Variants in UNC80 observed in about 807,000 individuals in gnomAD.
The protein encoded by UNC80 is unc-80 subunit of NALCN channel complex.
A neutral mutation model predicts 384.6 loss-of-function variants in UNC80; 164 were observed. That is an observed-to-expected ratio of 0.43 (90% confidence interval 0.38 to 0.49). UNC80 has a LOEUF of 0.49. Among genes scored for constraint, UNC80 ranks in the 20% least tolerant of loss-of-function variants. The pLI is 0.00. For synonymous variants in UNC80, 1,486 were observed against 1,527.8 expected, an observed-to-expected ratio of 0.97 and a Z score of 0.64; for missense variants, 3,330 against 4,143.0, an observed-to-expected ratio of 0.80 and a Z score of 5.39.
chr2:209,906,824 T>G (rs1245696725), intron 29 of UNC80, among the ~76,000 whole-genome samples: 1 of 152,212 alleles, frequency 6.6e-6, no homozygotes, highest in East Asian at 1.9e-4. Context: ...GAAAATCTAT[T>G]TTTATTTATG....
At chr2:209,829,756 A>G (rs750838456) in intron 15 of UNC80, among the ~76,000 whole-genome samples, 8 of 152,218 alleles carry the variant, frequency 5.3e-5, no homozygotes, top group Admixed American at 6.5e-5. Flanking sequence ...ATGAGTATCT[A>G]TAACGTACAG....
In UNC80 at chr2:209,848,525, A is replaced by C. The variant is rs528651210; in HGVS notation, c.3455-926A>C. Among the ~76,000 whole-genome samples the C allele has an allele frequency of 1.1e-4, 16 of 152,266 alleles. No homozygotes were observed. In the South Asian group the frequency reaches 3.3e-3, roughly 32 times the overall value. On this transcript the variant is annotated intron_variant, in intron 21 of 64. Coordinates refer to ENST00000673920, the MANE Select transcript of UNC80 (RefSeq NM_001371986.1). ...GATGCAAAATATTCATCACACTTGC[A>C]AAAATAATTTAGAAATGGCCATATT...
intron 48 of UNC80, among the ~76,000 whole-genome samples, chr2:209,956,777 C>G (rs1445017433): frequency 6.6e-6 from 1 of 152,050 alleles, no homozygotes; most frequent in Non-Finnish European, 1.5e-5. Context: ...GATACTCCCC[C>G]TTTTTGCCGT....
chr2:209,789,390 C>T, intron 5 of UNC80, 142 bp from the exon 6 acceptor site: 2 of 596,478 alleles, frequency 3.4e-6, no homozygotes, highest in Non-Finnish European at 5.8e-6. Flanking sequence ...ATTTGAATAT[C>T]TCTTACAATA....
At chr2:209,961,097 G>A (rs1260530338) in intron 51 of UNC80, 1 of 150,566 alleles carries the variant, frequency 6.6e-6, no homozygotes, top group Non-Finnish European at 1.5e-5. Context: ...GAGAGAGAGG[G>A]AGAGAGAGAG....
chr2:209,787,665 T>C (rs200469240), intron 5 of UNC80, among the ~76,000 whole-genome samples: 1 of 152,204 alleles, frequency 6.6e-6, no homozygotes, highest in African/African-American at 2.4e-5. Context: ...TTTGTGGTGA[T>C]GCTGGTTTAA....
intron 61 of UNC80, among the ~76,000 whole-genome samples, chr2:209,986,273 G>A (rs2125026843): frequency 6.6e-6 from 1 of 152,340 alleles, no homozygotes; most frequent in East Asian, 1.9e-4. Flanking sequence ...CCTACTGAGA[G>A]TAGAGAGTAT....
At chr2:209,896,276 G>T in intron 27 of UNC80, 37 bp from the exon 28 acceptor site, 1 of 1,531,068 alleles carries the variant, frequency 6.5e-7, no homozygotes, top group South Asian at 1.2e-5. Context: ...CAGGGAGACC[G>T]AACACTGAAA....
chr2:209,849,429 C>T (rs2082371455), intron 21 of UNC80, 22 bp from the exon 22 acceptor site: 1 of 1,550,136 alleles, frequency 6.5e-7, no homozygotes, highest in Non-Finnish European at 8.7e-7. Flanking sequence ...TTCATTCCTC[C>T]ACCATGGCAC....
intron 33 of UNC80, among the ~76,000 whole-genome samples, chr2:209,919,112 C>T (rs80085619): frequency 0.011 from 1,635 of 152,244 alleles, 7 homozygotes; most frequent in Non-Finnish European, 0.017. Flanking sequence ...TCATCACAGA[C>T]ATCACTCTGA....
intron 48 of UNC80, among the ~76,000 whole-genome samples, chr2:209,955,877 G>C (rs1427407343): frequency 6.6e-6 from 1 of 151,068 alleles, no homozygotes; most frequent in Non-Finnish European, 1.5e-5. Context: ...CCAAAAAGCT[G>C]GGATTATAGG....
In UNC80 at chr2:209,976,051, T is replaced by C; in HGVS notation, c.8588-68T>C. 3 of 1,469,642 alleles carry C rather than the reference T, an allele frequency of 2.0e-6. No individual in the cohort carries two copies. Among genetic ancestry groups the C allele is most frequent in the Non-Finnish European group, 2.7e-6 (3 of 1,107,214 alleles). 91.0% of individuals were successfully genotyped at this position (1,469,642 alleles called of 1,614,324 possible). On this transcript the variant is annotated intron_variant, in intron 56 of 64. Coordinates refer to ENST00000673920, the MANE Select transcript of UNC80 (RefSeq NM_001371986.1). This position sits in a 1 kb window ranked among gnomAD's most constrained non-coding sequence, Gnocchi z 4.3. Reference sequence around the variant, plus strand: ...ATTTCTAAAGGTGCATAAAGGGCTCTGGATGTAGGTTGGGTTCCTCGGAAG... The same window carrying C: ...ATTTCTAAAGGTGCATAAAGGGCTCCGGATGTAGGTTGGGTTCCTCGGAAG...
At chr2:209,894,495 G>A (rs2086631666) in intron 27 of UNC80, 129 bp downstream of exon 27, 1 of 425,684 alleles carries the variant, frequency 2.3e-6, no homozygotes, top group African/African-American at 2.1e-5. Context: ...TAGACAACCT[G>A]TTCAGCCTGA....
intron 48 of UNC80, among the ~76,000 whole-genome samples, chr2:209,955,910 AT>A (rs2092397743): frequency 6.6e-6 from 1 of 150,712 alleles, no homozygotes. Flanking sequence ...GGCCCCGATA[AT>A]TTTTGTATTT....
rs748405785 is a variant in UNC80 at position 209,918,602 on chromosome 2, A to G, written c.5282A>G (p.Asp1761Gly). 11 of 1,551,712 alleles carry G rather than the reference A, an allele frequency of 7.1e-6. No individual in the cohort carries two copies. In the East Asian group the frequency reaches 2.7e-4, roughly 38 times the overall value. ...VLGMPSVPMFDPPWVPQCSGS... is the reference protein window; with the variant it reads ...VLGMPSVPMFGPPWVPQCSGS... Reference sequence around the variant, plus strand: ...GGAATGCCATCCGTCCCAATGTTTGACCCACCGTGGGTTCCTCAGTGCAGC... The same window carrying G: ...GGAATGCCATCCGTCCCAATGTTTGGCCCACCGTGGGTTCCTCAGTGCAGC... The change falls in exon 33 of 65, where the codon GAC becomes GGC. Residue 1761 changes from aspartate to glycine, a missense_variant. This residue lies in a region of UNC80 where 1,049 missense variants were observed against 1,488.6 expected (regional missense o/e 0.70). Coordinates refer to ENST00000673920, the MANE Select transcript of UNC80 (RefSeq NM_001371986.1).
intron 16 of UNC80, among the ~76,000 whole-genome samples, chr2:209,832,668 A>G (rs2153828703): frequency 6.6e-6 from 1 of 152,366 alleles, no homozygotes; most frequent in Non-Finnish European, 1.5e-5. Context: ...AGTGTAGCAC[A>G]GGTACCATCC....
At chr2:209,862,270 A>C (rs936707668) in intron 22 of UNC80, among the ~76,000 whole-genome samples, 1 of 151,418 alleles carries the variant, frequency 6.6e-6, no homozygotes, top group Non-Finnish European at 1.5e-5. Context: ...ACTTCTTGCT[A>C]TGTGGTGCGG....
chr2:209,862,565 C>T lies in UNC80; in HGVS notation c.3628-10193C>T, dbSNP rs565012463. Reference sequence around the variant, plus strand: ...TCTTCTTGTTGAATTGTTCTGTTTACCATTATGTAATGCCCTTCTTTGTCT... The same window carrying T: ...TCTTCTTGTTGAATTGTTCTGTTTATCATTATGTAATGCCCTTCTTTGTCT... On this transcript the variant is annotated intron_variant, in intron 22 of 64. Transcript: ENST00000673920. Among the ~76,000 whole-genome samples the T allele has an allele frequency of 9.2e-5, 14 of 151,890 alleles. No homozygotes were observed. In the South Asian group the frequency reaches 2.9e-3, roughly 32 times the overall value.
intron 51 of UNC80, among the ~76,000 whole-genome samples, chr2:209,963,955 C>T (rs2125005375): frequency 6.6e-6 from 1 of 152,264 alleles, no homozygotes; most frequent in Non-Finnish European, 1.5e-5. Flanking sequence ...AAATAAGTTG[C>T]CTTGTACAGT....
Sources: gnomAD v4.1 joint callset for allele counts (sites outside exome capture counted in the v4.1 genomes callset) on GRCh38, gnomAD v4.1.1 for gene constraint, gnomAD v4.1.1 regional missense constraint, Gnocchi (gnomAD v3.1) non-coding constraint, MANE v1.5 for transcripts, NCBI Gene and HGNC (gene_info 2026-07-23, HGNC 2026-07-21) for gene names.